CFAP61: variants seen among roughly 807,000 people sequenced by gnomAD.
CFAP61 encodes cilia- and flagella-associated protein 61.
Under a neutral mutation model 135.6 loss-of-function variants are expected in CFAP61, and 107 were observed. The observed-to-expected ratio is 0.79, with a 90% CI of 0.67 to 0.93. CFAP61 has a LOEUF of 0.93. Ranked by LOEUF, CFAP61 falls within the 40% of genes least tolerant of loss-of-function variation. CFAP61 has a pLI of 0.00. For missense variants in CFAP61, 1,507 were observed against 1,556.2 expected, an observed-to-expected ratio of 0.97 and a Z score of 0.53; for synonymous variants, 575 against 578.5, an observed-to-expected ratio of 0.99 and a Z score of 0.09.
intron 1 of CFAP61, among the ~76,000 whole-genome samples, chr20:20,055,352 T>TTATTTTCTACC (rs2044227435): frequency 6.6e-6 from 1 of 152,246 alleles, no homozygotes; most frequent in South Asian, 2.1e-4. Context: ...TATTTTTGCT[T>TTATTTTCTACC]TATTTTCTAC....
intron 25 of CFAP61, among the ~76,000 whole-genome samples, chr20:20,320,439 TA>T (rs1348477793): frequency 4.8e-5 from 6 of 126,176 alleles, no homozygotes; most frequent in African/African-American, 2.0e-4. Flanking sequence ...TAATATAATA[TA>T]TGTAATATAT....
At chr20:20,097,706 G>A (rs1012595061) in intron 7 of CFAP61, among the ~76,000 whole-genome samples, 8 of 152,156 alleles carry the variant, frequency 5.3e-5, no homozygotes, top group African/African-American at 1.9e-4. Flanking sequence ...CAGGGTGATG[G>A]GAAGTTCAAC....
chr20:20,109,007 A>G (rs867514744), intron 8 of CFAP61, among the ~76,000 whole-genome samples: 5 of 152,214 alleles, frequency 3.3e-5, no homozygotes, highest in Admixed American at 6.5e-5. Flanking sequence ...TTGTCTTTCA[A>G]TGTGGAACAG....
intron 25 of CFAP61, among the ~76,000 whole-genome samples, chr20:20,314,214 T>C (rs1342732212): frequency 9.3e-6 from 1 of 107,628 alleles, no homozygotes; most frequent in African/African-American, 3.8e-5. Flanking sequence ...TGAGACCCCA[T>C]CTCTACAAAA....
intron 2 of CFAP61, among the ~76,000 whole-genome samples, chr20:20,061,483 CCACCCAAAATCT>C (rs1351071399): frequency 6.6e-6 from 1 of 152,048 alleles, no homozygotes; most frequent in Admixed American, 6.5e-5. Flanking sequence ...AAAAGATATG[CCACCCAAAATCT>C]CACCCAAAAT....
intron 21 of CFAP61, among the ~76,000 whole-genome samples, chr20:20,275,217 A>G (rs982074845): frequency 6.6e-6 from 1 of 152,236 alleles, no homozygotes; most frequent in Non-Finnish European, 1.5e-5. Context: ...AAACCCAGCC[A>G]CAACCTAGAG....
At chr20:20,052,919 A>AAT (rs2043870879) in intron 1 of CFAP61, among the ~76,000 whole-genome samples, 1 of 151,588 alleles carries the variant, frequency 6.6e-6, no homozygotes, top group Non-Finnish European at 1.5e-5. Flanking sequence ...TTGTGCCCAA[A>AAT]TAATTCTAAG....
chr20:20,076,410 G>T (rs578008236), intron 6 of CFAP61, among the ~76,000 whole-genome samples: 1 of 152,166 alleles, frequency 6.6e-6, no homozygotes, highest in Non-Finnish European at 1.5e-5. Flanking sequence ...ACTGCCTGTG[G>T]TGTGAATGAG....
At chr20:20,304,846 T>C (rs2056369241) in intron 25 of CFAP61, among the ~76,000 whole-genome samples, 1 of 152,034 alleles carries the variant, frequency 6.6e-6, no homozygotes, top group Admixed American at 6.6e-5. Flanking sequence ...TCCCGTGTCT[T>C]CTCGGCTTTC....
intron 12 of CFAP61, 101 bp downstream of exon 12, chr20:20,166,537 G>A: frequency 1.1e-6 from 1 of 916,110 alleles, no homozygotes; most frequent in South Asian, 1.4e-5. Context: ...GTTGAGGTTT[G>A]TGTTCGGAGA....
At chr20:20,328,656 A>T (rs986470658) in intron 25 of CFAP61, among the ~76,000 whole-genome samples, 18 of 152,224 alleles carry the variant, frequency 1.2e-4, no homozygotes, top group Admixed American at 9.2e-4. Flanking sequence ...GTTAATATCC[A>T]AAATATATAA....
chr20:20,070,532 G>A (rs1381017652), intron 2 of CFAP61, among the ~76,000 whole-genome samples: 2 of 152,140 alleles, frequency 1.3e-5, no homozygotes, highest in Non-Finnish European at 2.9e-5. Context: ...AGTGGTACTG[G>A]CAACATGGAG....
chr20:20,067,428 GT>G (rs1375385921), intron 2 of CFAP61, among the ~76,000 whole-genome samples: 1 of 151,692 alleles, frequency 6.6e-6, no homozygotes, highest in African/African-American at 2.4e-5. Flanking sequence ...ACTAAAAAAA[GT>G]AAAAGAGATC....
In CFAP61 at chr20:20,228,292, A is replaced by T. The variant is rs763429835; in HGVS notation, c.1976A>T (p.Glu659Val). 8 of 1,611,412 alleles carry T rather than the reference A, an allele frequency of 5.0e-6. No individual in the cohort carries two copies. Among genetic ancestry groups the T allele is most frequent in the Non-Finnish European group, 5.9e-6 (7 of 1,177,764 alleles). ...LNHTNRKLTL[E>V]PKITVNAKII... ...CATACAAACAGAAAACTAACATTGG[A>T]ACCTAAAATTACTGTCAATGCCAAG... Residue 659 changes from glutamate (E) to valine (V), a missense_variant, in exon 18 of 27, where the codon GAA becomes GTA. Transcript: ENST00000245957.
intron 11 of CFAP61, 119 bp downstream of exon 11, chr20:20,164,347 G>A: frequency 2.0e-6 from 2 of 1,009,222 alleles, no homozygotes; most frequent in Admixed American, 5.1e-5. Context: ...CTAATCTCCT[G>A]GGGAATTTTT....
At chr20:20,227,143 A>G (rs1293067454) in intron 17 of CFAP61, among the ~76,000 whole-genome samples, 1 of 152,232 alleles carries the variant, frequency 6.6e-6, no homozygotes, top group Non-Finnish European at 1.5e-5. Context: ...AGTACTGGAA[A>G]GTGGGTGGGA....
chr20:20,301,467 G>A (rs1322711774), intron 25 of CFAP61, among the ~76,000 whole-genome samples: 3 of 152,142 alleles, frequency 2.0e-5, no homozygotes, highest in Non-Finnish European at 4.4e-5. Flanking sequence ...CATGACTGTC[G>A]TTATTTATTT....
chr20:20,111,006 A>T (rs377080375), intron 8 of CFAP61, among the ~76,000 whole-genome samples: 14 of 152,200 alleles, frequency 9.2e-5, no homozygotes, highest in Middle Eastern at 3.2e-3. Flanking sequence ...AGATAGCAGG[A>T]TTCAGTTTAC....
At chr20:20,161,634 T>C (rs183649128) in intron 10 of CFAP61, among the ~76,000 whole-genome samples, 2 of 152,250 alleles carry the variant, frequency 1.3e-5, no homozygotes, top group Admixed American at 6.5e-5. Context: ...GCTGAAAAGC[T>C]GGGCAGTCTG....
Sources: allele counts gnomAD v4.1 joint callset (sites outside exome capture counted in the v4.1 genomes callset), GRCh38; gene constraint gnomAD v4.1.1; transcripts MANE v1.5; gene names NCBI Gene and HGNC (gene_info 2026-07-23, HGNC 2026-07-21).